Variants in TLN2 observed in about 807,000 individuals in gnomAD.
The protein encoded by TLN2 is talin-2.
A neutral mutation model predicts 294.7 loss-of-function variants in TLN2; 118 were observed. That is an observed-to-expected ratio of 0.40 (90% CI 0.34 to 0.47). The LOEUF is 0.47. Among genes scored for constraint, TLN2 ranks in the 20% least tolerant of loss-of-function variants. The pLI, the probability that TLN2 is intolerant of heterozygous loss-of-function variation, is 0.84. For synonymous variants in TLN2, 1,431 were observed against 1,304.5 expected, an observed-to-expected ratio of 1.10 and a Z score of -2.09; for missense variants, 3,083 against 3,282.2, an observed-to-expected ratio of 0.94 and a Z score of 1.48.
chr15:62,483,307 G>A (rs541131296), intron 1 of TLN2, among the ~76,000 whole-genome samples: 1 of 152,314 alleles, frequency 6.6e-6, no homozygotes, highest in South Asian at 2.1e-4. Context: ...TCCCTGCAGG[G>A]TGAGCTCTGC....
chr15:62,690,965 T>C (rs1368142607), intron 12 of TLN2, among the ~76,000 whole-genome samples: 1 of 148,054 alleles, frequency 6.8e-6, no homozygotes, highest in African/African-American at 2.5e-5. Context: ...ATGGCAGCAG[T>C]ACAGTCCAGC....
intron 9 of TLN2, among the ~76,000 whole-genome samples, chr15:62,660,273 T>C (rs1449069624): frequency 1.3e-5 from 2 of 152,222 alleles, no homozygotes; most frequent in Non-Finnish European, 2.9e-5. Context: ...GACTCTCCAG[T>C]GATTTCTGGA....
intron 1 of TLN2, among the ~76,000 whole-genome samples, chr15:62,466,816 G>T (rs549013669): frequency 2.0e-5 from 3 of 152,212 alleles, no homozygotes; most frequent in Admixed American, 6.5e-5. Flanking sequence ...TTTATTTTCA[G>T]ATTTGGGATG....
At chr15:62,457,465 G>T (rs928687761) in intron 1 of TLN2, among the ~76,000 whole-genome samples, 8 of 152,232 alleles carry the variant, frequency 5.3e-5, no homozygotes, top group African/African-American at 1.7e-4. Context: ...GGGGTTCTTG[G>T]AGGTTTTTGA....
At chr15:62,648,404 CAAAAAA>C (rs66528062) in intron 4 of TLN2, among the ~76,000 whole-genome samples, 3 of 61,872 alleles carry the variant, frequency 4.8e-5, no homozygotes, top group East Asian at 1.1e-3. Context: ...GACCCTGACT[CAAAAAA>C]AAAAAAAAAA....
At chr15:62,690,176 G>C (rs1595669855) in intron 12 of TLN2, 2 of 157,974 alleles carry the variant, frequency 1.3e-5, no homozygotes, top group Non-Finnish European at 2.7e-5. Context: ...TCCCGGACGG[G>C]GTGGCTGCCA....
At chr15:62,552,920 C>A (rs2042402698) in intron 1 of TLN2, among the ~76,000 whole-genome samples, 1 of 152,102 alleles carries the variant, frequency 6.6e-6, no homozygotes, top group South Asian at 2.1e-4. Context: ...ATAACTACTG[C>A]AAATAATGAG....
intron 3 of TLN2, chr15:62,637,250 C>A (rs1019936806): frequency 6.6e-6 from 1 of 151,898 alleles, no homozygotes; most frequent in Admixed American, 6.6e-5. Flanking sequence ...CTATTGTATC[C>A]ATTTTTGTAA....
chr15:62,721,258 A>C (rs2060130571), intron 25 of TLN2, among the ~76,000 whole-genome samples: 1 of 152,220 alleles, frequency 6.6e-6, no homozygotes, highest in African/African-American at 2.4e-5. Context: ...AGGTTGAACA[A>C]ATCTAAATTT....
At chr15:62,696,721 T>A (rs147497262) in intron 14 of TLN2, among the ~76,000 whole-genome samples, 121 of 152,230 alleles carry the variant, frequency 7.9e-4, no homozygotes, top group African/African-American at 2.6e-3. Context: ...AAAAATAAAT[T>A]TTAAAAAATG....
At chr15:62,480,864 C>T (rs1425943802) in intron 1 of TLN2, among the ~76,000 whole-genome samples, 1 of 152,206 alleles carries the variant, frequency 6.6e-6, no homozygotes, top group East Asian at 1.9e-4. Flanking sequence ...TCAGACCTTT[C>T]CTGCATTGCT....
At chr15:62,501,470 T>G (rs2039302546) in intron 1 of TLN2, among the ~76,000 whole-genome samples, 2 of 152,176 alleles carry the variant, frequency 1.3e-5, no homozygotes, top group African/African-American at 4.8e-5. Flanking sequence ...CTGGATACAC[T>G]TAGTTGTTTG....
At chr15:62,585,860 A>G (rs142028142) in intron 1 of TLN2, among the ~76,000 whole-genome samples, 16 of 152,282 alleles carry the variant, frequency 1.1e-4, no homozygotes, top group African/African-American at 3.6e-4. Context: ...TGATCAGGCA[A>G]TGAATGAGTT....
intron 43 of TLN2, among the ~76,000 whole-genome samples, chr15:62,777,262 C>T (rs1026853534): frequency 2.0e-5 from 3 of 152,148 alleles, no homozygotes; most frequent in East Asian, 1.9e-4. Context: ...CCCGGCCGGG[C>T]GCGGTGGCTC....
chr15:62,810,675 C>T lies in TLN2; in HGVS notation c.6771+643C>T, dbSNP rs568683158. 3.9e-5 allele frequency among the ~76,000 whole-genome samples: 6 copies of T among 152,208 alleles called. No individual in the cohort carries two copies. In the South Asian group the frequency reaches 6.2e-4, roughly 16 times the overall value. On this transcript the variant is annotated intron_variant, in intron 52 of 58. Coordinates refer to ENST00000636159, the MANE Select transcript of TLN2 (RefSeq NM_015059.3). ...GTGCAGTTCCTAAGGAGGCGTGACT[C>T]GCTACAAACCCTAAGGACCAAACCA...
chr15:62,518,775 T>G (rs2040311297), intron 1 of TLN2, among the ~76,000 whole-genome samples: 1 of 151,652 alleles, frequency 6.6e-6, no homozygotes, highest in Admixed American at 6.6e-5. Flanking sequence ...TTTTTGTATT[T>G]TTAGTAAAGA....
intron 1 of TLN2, among the ~76,000 whole-genome samples, chr15:62,517,142 C>G (rs1432370301): frequency 6.6e-6 from 1 of 152,178 alleles, no homozygotes; most frequent in Admixed American, 6.5e-5. Context: ...GCTGCTAATT[C>G]AGAGATTACC....
chr15:62,398,044 C>T (rs144532634), intron 1 of TLN2, among the ~76,000 whole-genome samples: 6 of 152,222 alleles, frequency 3.9e-5, no homozygotes, highest in African/African-American at 7.2e-5. Flanking sequence ...TCCAGCCAGC[C>T]GTGTTATGGA....
chr15:62,676,588 C>T (rs953103201), intron 11 of TLN2, among the ~76,000 whole-genome samples: 1 of 152,140 alleles, frequency 6.6e-6, no homozygotes, highest in Non-Finnish European at 1.5e-5. Flanking sequence ...AAGCTATCAA[C>T]AACCCAAGGG....
Sources: gnomAD v4.1 joint callset for allele counts (sites outside exome capture counted in the v4.1 genomes callset) on GRCh38, gnomAD v4.1.1 for gene constraint, MANE v1.5 for transcripts, NCBI Gene and HGNC (gene_info 2026-07-23, HGNC 2026-07-21) for gene names.